AMPH: variants seen among roughly 807,000 people sequenced by gnomAD.
AMPH encodes amphiphysin.
AMPH carries 49 observed loss-of-function variants against 99.1 expected under a neutral mutation model. The observed-to-expected ratio is 0.49, with a 90% CI of 0.39 to 0.63. AMPH has a LOEUF of 0.63. AMPH is among the 20% of genes least tolerant of loss of function. AMPH has a pLI of 0.00. For missense variants in AMPH, 759 were observed against 863.4 expected (o/e 0.88, Z 1.52); for synonymous variants, 314 against 317.3 (o/e 0.99, Z 0.11).
chr7:38,566,549 G>T (rs145748511), intron 1 of AMPH, among the ~76,000 whole-genome samples: 1 of 152,108 alleles, frequency 6.6e-6, no homozygotes, highest in Non-Finnish European at 1.5e-5. Context: ...AGACAAATGG[G>T]ATCTAATTAA....
intron 2 of AMPH, among the ~76,000 whole-genome samples, chr7:38,504,001 T>C (rs1019052937): frequency 6.6e-6 from 1 of 152,234 alleles, no homozygotes; most frequent in African/African-American, 2.4e-5. Flanking sequence ...ACATGGGTTA[T>C]AATAGCAGGG....
At chr7:38,556,318 C>T (rs923498879) in intron 1 of AMPH, among the ~76,000 whole-genome samples, 1 of 152,102 alleles carries the variant, frequency 6.6e-6, no homozygotes, top group East Asian at 1.9e-4. Context: ...CATAATTTTA[C>T]TGTTATTAGA....
rs370918715 is a variant in AMPH at position 38,461,357 on chromosome 7, G to C, written c.943C>G (p.Leu315Val). 2.5e-6 allele frequency: 4 copies of C among 1,614,072 alleles called. No homozygotes were observed. In the Admixed American group the frequency reaches 5.0e-5, roughly 20 times the overall value. Residue 315 changes from leucine (L) to valine (V), a missense_variant, in exon 11 of 21, where the codon CTG (leucine) becomes GTG (valine). Leu to Val is a conservative substitution (Grantham distance 32, BLOSUM62 1). Around this residue, in one of 2 missense-constraint regions of AMPH, gnomAD observed 554 missense variants for 575.6 expected, o/e 0.96. Transcript: ENST00000356264. ...AAACTGATGATGTTCTCCTGCTGCA[G>C]TTCCTTTGTCGGGGTGACTTTAGGT... ...PLPKVTPTKELQQENIISFFE... is the reference protein window; with the variant it reads ...PLPKVTPTKEVQQENIISFFE...
chr7:38,535,823 G>A (rs1401933858), intron 1 of AMPH, among the ~76,000 whole-genome samples: 1 of 152,166 alleles, frequency 6.6e-6, no homozygotes, highest in Non-Finnish European at 1.5e-5. Context: ...AGGAGGCGGA[G>A]CTCGGGTGGT....
At chr7:38,590,445 C>G (rs1792813913) in intron 1 of AMPH, among the ~76,000 whole-genome samples, 1 of 152,080 alleles carries the variant, frequency 6.6e-6, no homozygotes, top group African/African-American at 2.4e-5. Context: ...CAAACACAGA[C>G]CAGAAGAGTG....
intron 17 of AMPH, among the ~76,000 whole-genome samples, chr7:38,402,832 T>C (rs1327510194): frequency 6.6e-6 from 1 of 152,206 alleles, no homozygotes; most frequent in African/African-American, 2.4e-5. Context: ...TTAGCTAACA[T>C]TTCTAGAATA....
At chr7:38,565,363 A>G (rs1316648324) in intron 1 of AMPH, among the ~76,000 whole-genome samples, 1 of 152,158 alleles carries the variant, frequency 6.6e-6, no homozygotes. Flanking sequence ...ACAAACATGT[A>G]CTTTCTCACA....
chr7:38,585,313 AG>A (rs1445117746), intron 1 of AMPH, among the ~76,000 whole-genome samples: 3 of 152,174 alleles, frequency 2.0e-5, no homozygotes, highest in African/African-American at 7.2e-5. Context: ...CATTACTCTG[AG>A]AAAGAAGGGA....
chr7:38,435,047 T>C (rs1450591446), intron 12 of AMPH, among the ~76,000 whole-genome samples: 3 of 152,242 alleles, frequency 2.0e-5, no homozygotes, highest in Non-Finnish European at 2.9e-5. Context: ...TTTTTTTAAA[T>C]TGCAGAACTT....
At chr7:38,540,060 C>A (rs1397542498) in intron 1 of AMPH, among the ~76,000 whole-genome samples, 1 of 152,164 alleles carries the variant, frequency 6.6e-6, no homozygotes, top group Non-Finnish European at 1.5e-5. Flanking sequence ...AACAGTGTGG[C>A]ACTATTGATA....
intron 11 of AMPH, among the ~76,000 whole-genome samples, chr7:38,458,024 C>T (rs143247725): frequency 6.6e-6 from 1 of 152,058 alleles, no homozygotes; most frequent in Non-Finnish European, 1.5e-5. Flanking sequence ...CCACTTGAGT[C>T]ATTCCTCTTC....
chr7:38,466,606 G>A (rs1207726279), intron 7 of AMPH, among the ~76,000 whole-genome samples: 1 of 151,856 alleles, frequency 6.6e-6, no homozygotes, highest in African/African-American at 2.4e-5. Context: ...GGTGATAACT[G>A]ATGCTGCTGA....
At chr7:38,548,544 GT>G (rs1791070402) in intron 1 of AMPH, among the ~76,000 whole-genome samples, 1 of 152,060 alleles carries the variant, frequency 6.6e-6, no homozygotes, top group Non-Finnish European at 1.5e-5. Flanking sequence ...TTCATCTGGG[GT>G]AATATCCAAG....
intron 5 of AMPH, among the ~76,000 whole-genome samples, chr7:38,477,733 C>T (rs1788138483): frequency 6.6e-6 from 1 of 151,960 alleles, no homozygotes; most frequent in Non-Finnish European, 1.5e-5. Flanking sequence ...AAGCTTTAAG[C>T]CGCTTGAGGA....
At chr7:38,401,522 T>C (rs1784840023) in intron 17 of AMPH, among the ~76,000 whole-genome samples, 1 of 152,222 alleles carries the variant, frequency 6.6e-6, no homozygotes, top group Non-Finnish European at 1.5e-5. Flanking sequence ...ATGTAATTGG[T>C]AATGTCTTTC....
intron 5 of AMPH, among the ~76,000 whole-genome samples, chr7:38,477,467 C>T (rs1774610785): frequency 6.6e-6 from 1 of 152,042 alleles, no homozygotes; most frequent in African/African-American, 2.4e-5. Flanking sequence ...CATTAGAATC[C>T]CCTGGACTAA....
At chr7:38,492,860 G>A (rs1347830884) in intron 4 of AMPH, among the ~76,000 whole-genome samples, 1 of 152,106 alleles carries the variant, frequency 6.6e-6, no homozygotes, top group Non-Finnish European at 1.5e-5. Flanking sequence ...TTATTTTTTT[G>A]TGATGAATTT....
intron 1 of AMPH, among the ~76,000 whole-genome samples, chr7:38,552,322 CT>C (rs1791206306): frequency 6.6e-6 from 1 of 152,204 alleles, no homozygotes; most frequent in African/African-American, 2.4e-5. Flanking sequence ...AGCTGGCAGG[CT>C]TCTGATGCAG....
rs770281817 is a variant in AMPH, at chr7:38,392,020, G to A, written c.1609-3C>T. 1 of 1,603,420 alleles carries A rather than the reference G, an allele frequency of 6.2e-7. No homozygotes were observed. The highest frequency in any genetic ancestry group is 1.1e-5 in the South Asian group (1 of 90,940). On this transcript the variant is annotated splice_polypyrimidine_tract_variant and splice_region_variant and intron_variant, in intron 18 of 20. Transcript: ENST00000356264. ...ACCACCGAAGGAATGACCTTCTCCT[G>A]GGGGAAGAAAAACCGTGGCGATGCC...
Sources: allele counts gnomAD v4.1 joint callset (sites outside exome capture counted in the v4.1 genomes callset), GRCh38; gene constraint gnomAD v4.1.1; regional missense constraint gnomAD v4.1.1; transcripts MANE v1.5; gene names NCBI Gene and HGNC (gene_info 2026-07-23, HGNC 2026-07-21).